GNG4: variants seen among roughly 807,000 people sequenced by gnomAD.
The protein encoded by GNG4 is guanine nucleotide-binding protein G(I)/G(S)/G(O) subunit gamma-4.
A neutral mutation model predicts 5.8 loss-of-function variants in GNG4; 4 were observed. The ratio of observed to expected loss-of-function variants is 0.69; its 90% CI spans 0.34 to 1.57. The LOEUF (loss-of-function observed/expected upper bound fraction) is 1.57. GNG4 is among the 40% of genes most tolerant of loss of function. The pLI, the probability that GNG4 is intolerant of heterozygous loss-of-function variation, is 0.06. For missense variants in GNG4, 96 were observed against 95.1 expected (o/e 1.01, Z -0.04); for synonymous variants, 29 against 32.9 (o/e 0.88, Z 0.41).
intron 3 of GNG4, among the ~76,000 whole-genome samples, chr1:235,553,867 G>A (rs528866659): frequency 6.6e-6 from 1 of 152,300 alleles, no homozygotes; most frequent in South Asian, 2.1e-4. Flanking sequence ...TAAAATTCAG[G>A]AGCGTTGGAG....
intron 3 of GNG4, chr1:235,566,266 A>G (rs112467674): frequency 0.011 from 1,741 of 154,728 alleles, 33 homozygotes; most frequent in African/African-American, 0.039. Flanking sequence ...GTTAGGAAGC[A>G]GGCTGCACAG....
intron 3 of GNG4, among the ~76,000 whole-genome samples, chr1:235,582,918 T>C (rs997669001): frequency 1.3e-5 from 2 of 152,144 alleles, no homozygotes; most frequent in African/African-American, 4.8e-5. Context: ...TTTCTAGCCA[T>C]ACACTAGCAT....
At chr1:235,552,471 A>C (rs1373700680) in intron 3 of GNG4, among the ~76,000 whole-genome samples, 3 of 152,190 alleles carry the variant, frequency 2.0e-5, no homozygotes, top group African/African-American at 7.2e-5. Context: ...CAGCATGGAG[A>C]CAGGACTGAG....
intron 1 of GNG4, chr1:235,615,979 A>G (rs16832737): frequency 0.037 from 12,229 of 330,436 alleles, 592 homozygotes; most frequent in African/African-American, 0.15. Flanking sequence ...AGCCTCCACA[A>G]TGTCCTCAGC....
Position 235,570,947 on chromosome 1 carries a change from T to C in GNG4, c.99+12793A>G, listed in dbSNP as rs529306823. ...ATACACACACACACACACACACACA[T>C]ATATATATACATACCTTTTTTTTTT... On this transcript the variant is annotated intron_variant, in intron 3 of 3. Transcript: ENST00000391854. 3.3e-3 allele frequency among the ~76,000 whole-genome samples: 369 copies of C among 112,704 alleles called. 2 individuals carry two copies. Among genetic ancestry groups the C allele is most frequent in the Non-Finnish European group, 5.1e-3 (296 of 58,398 alleles). The allele number at this position is 112,704 out of a possible 152,430, so 73.9% of individuals were successfully genotyped here.
At chr1:235,631,766 C>T (rs142762893) in intron 1 of GNG4, among the ~76,000 whole-genome samples, 2,099 of 152,100 alleles carry the variant, frequency 0.014, 23 homozygotes, top group East Asian at 0.064. Flanking sequence ...TGGGGTTTCA[C>T]CATGTTGGCC....
intron 1 of GNG4, among the ~76,000 whole-genome samples, chr1:235,628,419 G>A (rs375829114): frequency 3.3e-5 from 5 of 150,122 alleles, no homozygotes; most frequent in Non-Finnish European, 4.4e-5. Context: ...TAGGAGACGG[G>A]GGGGGGTTAC....
intron 3 of GNG4, among the ~76,000 whole-genome samples, chr1:235,576,448 C>G (rs1306563622): frequency 6.6e-6 from 1 of 152,166 alleles, no homozygotes; most frequent in African/African-American, 2.4e-5. Flanking sequence ...TATTCTTTCC[C>G]TTAGAACCCA....
Position 235,562,234 on chromosome 1 carries a change from G to T in GNG4, c.100-9997C>A, listed in dbSNP as rs554899136. Among the ~76,000 whole-genome samples the T allele has an allele frequency of 2.0e-5, 3 of 152,284 alleles. No homozygotes were observed. The South Asian group carries it at 6.2e-4, about 32-fold the overall frequency. On this transcript the variant is annotated intron_variant, in intron 3 of 3. Coordinates refer to ENST00000391854, the MANE Select transcript of GNG4 (RefSeq NM_001098722.2). ...GTTTTATAGTAAGTCTTTCAGTCAG[G>T]TAGTGTCGGTTCTCCAACTTTGTTC...
intron 3 of GNG4, among the ~76,000 whole-genome samples, chr1:235,575,619 A>T (rs1687464920): frequency 6.6e-6 from 1 of 152,246 alleles, no homozygotes; most frequent in Admixed American, 6.5e-5. Flanking sequence ...ATTATCTCCC[A>T]GGACAAATGA....
intron 3 of GNG4, among the ~76,000 whole-genome samples, chr1:235,557,222 T>C (rs1686939101): frequency 6.6e-6 from 1 of 152,202 alleles, no homozygotes; most frequent in African/African-American, 2.4e-5. Flanking sequence ...TCAGCCGCTA[T>C]ACTACAGCAG....
intron 3 of GNG4, among the ~76,000 whole-genome samples, chr1:235,564,720 C>T (rs1225515566): frequency 1.3e-5 from 2 of 152,222 alleles, no homozygotes; most frequent in Non-Finnish European, 2.9e-5. Context: ...GAGTCTAGCT[C>T]TGTTGCCCAG....
At chr1:235,568,950 C>T (rs965055996) in intron 3 of GNG4, among the ~76,000 whole-genome samples, 3 of 152,066 alleles carry the variant, frequency 2.0e-5, no homozygotes, top group Admixed American at 6.6e-5. Context: ...CCTCAGCCAC[C>T]CAAGTAGCTG....
At chr1:235,587,426 G>C in intron 2 of GNG4, among the ~76,000 whole-genome samples, 1 of 83,040 alleles carries the variant, frequency 1.2e-5, no homozygotes, top group Non-Finnish European at 2.4e-5. Flanking sequence ...GGGGGTGTGT[G>C]TGTGAGGGTG....
At chr1:235,606,989 A>C (rs1409744815) in intron 1 of GNG4, among the ~76,000 whole-genome samples, 1 of 130,780 alleles carries the variant, frequency 7.6e-6, no homozygotes, top group African/African-American at 3.1e-5. Context: ...CCCAGGCTGG[A>C]GTGCAGTCGT....
intron 1 of GNG4, among the ~76,000 whole-genome samples, chr1:235,597,064 A>G (rs1164580078): frequency 2.6e-5 from 4 of 151,882 alleles, no homozygotes; most frequent in Non-Finnish European, 5.9e-5. Flanking sequence ...CCCATTCAAG[A>G]CTCATAGCCC....
intron 3 of GNG4, among the ~76,000 whole-genome samples, chr1:235,559,353 G>C (rs1234733937): frequency 6.6e-6 from 1 of 152,124 alleles, no homozygotes; most frequent in Non-Finnish European, 1.5e-5. Flanking sequence ...TATCCTCAGT[G>C]GGATCCTGGG....
At position 235,642,193 on chromosome 1, in the gene GNG4, C is replaced by G. The variant is rs1657351462; in HGVS notation, c.-123+7469G>C. On this transcript the variant is annotated intron_variant, in intron 1 of 3. Coordinates refer to ENST00000391854, the MANE Select transcript of GNG4 (RefSeq NM_001098722.2). The surrounding 1 kb of genome is among the most constrained non-coding windows in gnomAD (Gnocchi z 4.3). Reference sequence around the variant, plus strand: ...CGAACGCAGGGTGGAAGAACCCGAGCGAGGCCCGGCAGGGGCGGGGTGAGC... The same window carrying G: ...CGAACGCAGGGTGGAAGAACCCGAGGGAGGCCCGGCAGGGGCGGGGTGAGC... Among the ~76,000 whole-genome samples, 1 of 152,226 alleles carries G rather than the reference C, an allele frequency of 6.6e-6. No homozygotes were observed. Among genetic ancestry groups the G allele is most frequent in the Admixed American group, 6.5e-5 (1 of 15,288 alleles).
chr1:235,575,317 G>GT (rs1232044940), intron 3 of GNG4, among the ~76,000 whole-genome samples: 1 of 152,146 alleles, frequency 6.6e-6, no homozygotes, highest in African/African-American at 2.4e-5. Context: ...TGAAAATGTC[G>GT]TAAGTTGAAC....
Sources: gnomAD v4.1 joint callset for allele counts (sites outside exome capture counted in the v4.1 genomes callset) on GRCh38, gnomAD v4.1.1 for gene constraint, Gnocchi (gnomAD v3.1) non-coding constraint, MANE v1.5 for transcripts, NCBI Gene and HGNC (gene_info 2026-07-23, HGNC 2026-07-21) for gene names.